Variants in F5 observed in about 807,000 individuals in gnomAD.
The protein encoded by F5 is coagulation factor V.
F5 carries 138 observed loss-of-function variants against 216.4 expected under a neutral mutation model. The ratio of observed to expected loss-of-function variants is 0.64; its 90% CI spans 0.56 to 0.73. The LOEUF is 0.73. Among genes scored for constraint, F5 ranks in the 30% least tolerant of loss-of-function variants. The pLI is 0.00. For missense variants in F5, 2,403 were observed against 2,674.0 expected (o/e 0.90, Z 2.24); for synonymous variants, 916 against 930.7 (o/e 0.98, Z 0.29).
At chr1:169,538,183 A>G (rs995439601) in intron 13 of F5, among the ~76,000 whole-genome samples, 3 of 152,194 alleles carry the variant, frequency 2.0e-5, no homozygotes, top group Non-Finnish European at 4.4e-5. Flanking sequence ...CATTTGTGAC[A>G]ACATGACTGA....
At chr1:169,586,112 A>G in intron 1 of F5, 117 bp downstream of exon 1, 1 of 1,160,972 alleles carries the variant, frequency 8.6e-7, no homozygotes, top group Non-Finnish European at 1.2e-6. Context: ...TATTAGTTAT[A>G]TTTACTTACC....
Position 169,523,818 on chromosome 1 carries a change from A to C in F5, c.5875T>G (p.Ser1959Ala). The change falls in exon 20 of 25, where the codon TCT (serine) becomes GCT (alanine). Residue 1959 changes from serine (S) to alanine (A), a missense_variant. Physicochemically the swap from Ser to Ala is moderately conservative, Grantham distance 99. Transcript: ENST00000367797. ...SVEKLAAEFA[S>A]KPWIQVDMQK... ...AGACAAACCTGGATCCAAGGTTTAG[A>C]GGCAAATTCTGCTGCAAGTTTTTCT... 6.2e-7 allele frequency: 1 copy of C among 1,613,630 alleles called. No homozygotes were observed. The highest frequency in any genetic ancestry group is 8.5e-7 in the Non-Finnish European group (1 of 1,179,716).
At chr1:169,520,700 T>C in intron 21 of F5, 36 bp from the exon 22 acceptor site, 1 of 1,577,484 alleles carries the variant, frequency 6.3e-7, no homozygotes, top group Non-Finnish European at 8.7e-7. Flanking sequence ...TATGTAACAA[T>C]GATCTATAAA....
chr1:169,514,522 G>GTT, intron 24 of F5, 63 bp from the exon 25 acceptor site: 6 of 1,458,908 alleles, frequency 4.1e-6, no homozygotes, highest in African/African-American at 1.4e-5. Flanking sequence ...TTTTGTTTTT[G>GTT]TTTTTTTTTA....
At chr1:169,540,230 TAGTAG>T in intron 13 of F5, 59 bp downstream of exon 13, 2 of 1,553,806 alleles carry the variant, frequency 1.3e-6, no homozygotes, top group Admixed American at 3.3e-5. Context: ...CCCTGAATTG[TAGTAG>T]CTACTTTTTT....
intron 7 of F5, among the ~76,000 whole-genome samples, chr1:169,554,291 G>A (rs1383118121): frequency 1.3e-5 from 2 of 148,660 alleles, no homozygotes; most frequent in African/African-American, 5.0e-5. Flanking sequence ...TTAACAAAAG[G>A]CAGCTATGTA....
intron 15 of F5, among the ~76,000 whole-genome samples, chr1:169,530,418 A>G (rs1659565864): frequency 6.6e-6 from 1 of 152,236 alleles, no homozygotes; most frequent in Non-Finnish European, 1.5e-5. Context: ...ACATTGCAGA[A>G]TGTCAGATAA....
rs1045107605 is a variant in F5 at position 169,513,334 on chromosome 1, A to G, written c.*979T>C. ...ATGACTGTCTATCTCATGTGATTTT[A>G]AGGATGTCTAAAGGTTCCCCAGTTG... On this transcript the variant is annotated 3_prime_UTR_variant, in exon 25 of 25. Coordinates refer to ENST00000367797, the MANE Select transcript of F5 (RefSeq NM_000130.5). Among the ~76,000 whole-genome samples, 5 of 152,032 alleles carry G rather than the reference A, an allele frequency of 3.3e-5. No individual in the cohort carries two copies. The highest frequency in any genetic ancestry group is 1.2e-4 in the African/African-American group (5 of 41,482).
chr1:169,565,650 A>G (rs2040442), intron 3 of F5, among the ~76,000 whole-genome samples: 41,524 of 152,028 alleles, frequency 0.27, 6,016 homozygotes, highest in South Asian at 0.36. Flanking sequence ...GATCTGGTTA[A>G]CAACAGGACC....
Position 169,543,094 on chromosome 1 carries a change from T to C in F5, c.1996A>G (p.Met666Val), listed in dbSNP as rs548003556. 1.9e-6 allele frequency: 3 copies of C among 1,613,768 alleles called. No homozygotes were observed. The African/African-American group carries it at 4.0e-5, about 22-fold the overall frequency. The part of the protein sequence containing the change: ...DNVGTWMLTS[M>V]NSSPRSKKLR... ...TTTTTGCTTCTTGGACTAGAATTCA[T>C]GGAAGTTAACATCCAAGTTCCTACA... The change falls in exon 13 of 25, where the codon ATG becomes GTG. Residue 666 changes from methionine (M) to valine (V), a missense_variant. Met to Val is a conservative substitution (Grantham distance 21, BLOSUM62 1). This residue lies in a region of F5 where 1,425 missense variants were observed against 1,554.8 expected (regional missense o/e 0.92). Transcript: ENST00000367797.
In F5 at chr1:169,512,154, G is replaced by GCTGC. The variant is rs1275926066; in HGVS notation, c.*2158_*2159insGCAG. 6.6e-6 allele frequency among the ~76,000 whole-genome samples: 1 copy of GCTGC among 151,986 alleles called. No homozygotes were observed. Among genetic ancestry groups the GCTGC allele is most frequent in the Non-Finnish European group, 1.5e-5 (1 of 67,974 alleles). On this transcript the variant is annotated 3_prime_UTR_variant, in exon 25 of 25. Coordinates refer to ENST00000367797, the MANE Select transcript of F5 (RefSeq NM_000130.5). The stretch of plus-strand genomic sequence containing the variant: ...TAAGTTTCATTTTATGGAAGAGAAA[G>GCTGC]CAGACTAAAAGTCTAGGGATATGAT...
intron 2 of F5, among the ~76,000 whole-genome samples, chr1:169,575,462 C>A (rs905352475): frequency 2.6e-5 from 4 of 151,892 alleles, no homozygotes; most frequent in Non-Finnish European, 5.9e-5. Context: ...CAACATGGAC[C>A]AGATTTTGGT....
At chr1:169,519,700 T>C (rs577755248) in intron 22 of F5, among the ~76,000 whole-genome samples, 7 of 152,328 alleles carry the variant, frequency 4.6e-5, no homozygotes, top group Admixed American at 1.3e-4. Context: ...GGCAGGTTTC[T>C]AGTGCACCTA....
chr1:169,543,185 T>C (rs933293708), intron 12 of F5, 71 bp from the exon 13 acceptor site: 5 of 1,424,512 alleles, frequency 3.5e-6, no homozygotes, highest in Non-Finnish European at 4.9e-6. Context: ...AATAATCCAT[T>C]GTGGCAGGTA....
At chr1:169,585,662 C>T (rs898318844) in intron 1 of F5, among the ~76,000 whole-genome samples, 5 of 151,698 alleles carry the variant, frequency 3.3e-5, no homozygotes, top group Non-Finnish European at 5.9e-5. Flanking sequence ...ATAAATAAGT[C>T]AAATATGAAG....
chr1:169,559,793 A>T (rs6427203), intron 4 of F5, among the ~76,000 whole-genome samples: 1 of 152,062 alleles, frequency 6.6e-6, no homozygotes, highest in Admixed American at 6.5e-5. Flanking sequence ...GTAAGTTTTA[A>T]GGTTTTTTTC....
In F5 at chr1:169,540,868, G is replaced by T. The variant is rs764111580; in HGVS notation, c.4222C>A (p.Gln1408Lys). The change falls in exon 13 of 25, where the codon CAG becomes AAG. Residue 1408 changes from glutamine to lysine, a missense_variant. Gln to Lys is a moderately conservative substitution (Grantham distance 53). Transcript: ENST00000367797. ...SQIPLTPDLD[Q>K]MTLSPDLGET... ...CCAAGGTCTGGAGAAAGTGTCATCT[G>T]GTCGAGGTCTGGGGTAAGGGGAATT... 8.1e-6 allele frequency: 13 copies of T among 1,611,302 alleles called. No individual in the cohort carries two copies. The highest frequency in any genetic ancestry group is 1.7e-4 in the Middle Eastern group (1 of 6,056).
chr1:169,529,533 A>C (rs766219205), intron 16 of F5, 75 bp downstream of exon 16: 12 of 1,349,126 alleles, frequency 8.9e-6, no homozygotes, highest in East Asian at 2.3e-5. Flanking sequence ...TAATCTTGTG[A>C]ATATCTAAGG....
intron 3 of F5, among the ~76,000 whole-genome samples, chr1:169,563,232 T>C (rs373823443): frequency 6.6e-6 from 1 of 152,098 alleles, no homozygotes; most frequent in Admixed American, 6.6e-5. Flanking sequence ...TGTGTTTTTA[T>C]CTCTCACTGC....
Sources: gnomAD v4.1 joint callset for allele counts (sites outside exome capture counted in the v4.1 genomes callset) on GRCh38, gnomAD v4.1.1 for gene constraint, gnomAD v4.1.1 regional missense constraint, MANE v1.5 for transcripts, NCBI Gene and HGNC (gene_info 2026-07-23, HGNC 2026-07-21) for gene names.